The following IGF1R variants were observed in gnomAD, a reference collection of about 807,000 sequenced individuals.
The protein encoded by IGF1R is insulin-like growth factor 1 receptor.
In IGF1R, 44 loss-of-function variants were observed where a neutral mutation model predicts 144.6. The ratio of observed to expected loss-of-function variants is 0.30; its 90% CI spans 0.24 to 0.39. The LOEUF (loss-of-function observed/expected upper bound fraction) is 0.39, where lower values mean the gene tolerates loss of function less well. IGF1R is among the 10% of genes least tolerant of loss of function. The pLI, the probability that IGF1R is intolerant of heterozygous loss-of-function variation, is 1.00. For synonymous variants in IGF1R, 795 were observed against 722.8 expected, an observed-to-expected ratio of 1.10 and a Z score of -1.60; for missense variants, 1,355 against 1,833.7, an observed-to-expected ratio of 0.74 and a Z score of 4.77.
At chr15:98,946,936 ATTTTAT>A (rs2016576740) in intron 19 of IGF1R, among the ~76,000 whole-genome samples, 1 of 152,156 alleles carries the variant, frequency 6.6e-6, no homozygotes, top group African/African-American at 2.4e-5. Flanking sequence ...ATTTCTTCTT[ATTTTAT>A]TTTTAATTTT....
At chr15:98,897,660 T>A (rs1490107664) in intron 4 of IGF1R, among the ~76,000 whole-genome samples, 1 of 152,336 alleles carries the variant, frequency 6.6e-6, no homozygotes, top group African/African-American at 2.4e-5. Flanking sequence ...CACTGTAACC[T>A]GGAACTCCTA....
chr15:98,870,957 G>A (rs1225752963), intron 2 of IGF1R, among the ~76,000 whole-genome samples: 2 of 152,240 alleles, frequency 1.3e-5, no homozygotes, highest in Non-Finnish European at 2.9e-5. Context: ...AGGTGCGGGA[G>A]GCATGAGAAC....
intron 2 of IGF1R, among the ~76,000 whole-genome samples, chr15:98,792,001 A>G (rs1490023786): frequency 1.3e-5 from 2 of 152,348 alleles, no homozygotes; most frequent in Non-Finnish European, 2.9e-5. Flanking sequence ...ATGGTGGCTC[A>G]GGTTTAGACA....
Position 98,748,334 on chromosome 15 carries a change from TTTATTA to T in IGF1R, c.640+40239_640+40244del, listed in dbSNP as rs1242443703. On this transcript the variant is annotated intron_variant, in intron 2 of 20. Transcript: ENST00000650285. ...GGCATAAGCCACCTTGCCCAGCAAA[TTTATTA>T]TTATTATTATTTTTGTAGAGATGGA... Among the ~76,000 whole-genome samples, 12 of 152,012 alleles carry T rather than the reference TTTATTA, an allele frequency of 7.9e-5. No homozygotes were observed. In the East Asian group the frequency reaches 2.3e-3, roughly 30 times the overall value.
At chr15:98,828,226 C>T (rs989268133) in intron 2 of IGF1R, among the ~76,000 whole-genome samples, 11 of 152,182 alleles carry the variant, frequency 7.2e-5, no homozygotes, top group Admixed American at 1.3e-4. Context: ...CCTAAATACT[C>T]GGGCTAAACT....
intron 2 of IGF1R, among the ~76,000 whole-genome samples, chr15:98,778,208 G>A (rs1785886174): frequency 6.6e-6 from 1 of 152,308 alleles, no homozygotes; most frequent in South Asian, 2.1e-4. Flanking sequence ...AAGCCTGTAC[G>A]TGGTCCTCGG....
intron 2 of IGF1R, among the ~76,000 whole-genome samples, chr15:98,819,374 A>G (rs1196645696): frequency 2.0e-5 from 3 of 152,158 alleles, no homozygotes; most frequent in Admixed American, 1.3e-4. Context: ...ATGTGATGAT[A>G]TTAGGAGCTG....
intron 1 of IGF1R, among the ~76,000 whole-genome samples, chr15:98,675,539 A>C (rs1293635813): frequency 6.6e-6 from 1 of 152,230 alleles, no homozygotes; most frequent in Non-Finnish European, 1.5e-5. Context: ...TGAGCTTTGC[A>C]ATTTTAGCAT....
At chr15:98,955,786 T>C (rs1185396127) in intron 20 of IGF1R, among the ~76,000 whole-genome samples, 3 of 152,252 alleles carry the variant, frequency 2.0e-5, no homozygotes, top group African/African-American at 4.8e-5. Flanking sequence ...GGGCAGGTAG[T>C]CTGTGGTCAA....
At chr15:98,655,318 T>A (rs543161681) in intron 1 of IGF1R, among the ~76,000 whole-genome samples, 3 of 152,244 alleles carry the variant, frequency 2.0e-5, no homozygotes, top group Admixed American at 6.5e-5. Flanking sequence ...TTGAGACTTT[T>A]GGACTTTTGA....
At chr15:98,826,688 A>G (rs1237970095) in intron 2 of IGF1R, among the ~76,000 whole-genome samples, 2 of 152,108 alleles carry the variant, frequency 1.3e-5, no homozygotes, top group Non-Finnish European at 2.9e-5. Context: ...TCTCTTTTAA[A>G]TTTTCTATTG....
intron 2 of IGF1R, among the ~76,000 whole-genome samples, chr15:98,765,232 C>T (rs150701381): frequency 2.0e-5 from 3 of 150,864 alleles, no homozygotes; most frequent in East Asian, 3.9e-4. Flanking sequence ...GGGCTTCAGA[C>T]ACCTCAATCT....
At chr15:98,651,381 C>T (rs145989384) in intron 1 of IGF1R, among the ~76,000 whole-genome samples, 57 of 152,312 alleles carry the variant, frequency 3.7e-4, no homozygotes, top group African/African-American at 1.3e-3. Flanking sequence ...AAACTTTCAG[C>T]GGACTCGATT....
intron 2 of IGF1R, among the ~76,000 whole-genome samples, chr15:98,884,518 C>T (rs566843958): frequency 7.9e-4 from 120 of 151,988 alleles, no homozygotes; most frequent in African/African-American, 2.8e-3. Flanking sequence ...CACGGTGAAA[C>T]CCTGTCTCTG....
chr15:98,927,874 G>A (rs920758463), intron 13 of IGF1R, among the ~76,000 whole-genome samples: 2 of 152,114 alleles, frequency 1.3e-5, no homozygotes, highest in African/African-American at 4.8e-5. Context: ...GTGATTCCAG[G>A]CCCATTTCCA....
intron 2 of IGF1R, among the ~76,000 whole-genome samples, chr15:98,883,983 A>T (rs968702126): frequency 6.6e-6 from 1 of 152,150 alleles, no homozygotes; most frequent in African/African-American, 2.4e-5. Context: ...ATAATTCCAC[A>T]AATACATTAT....
intron 2 of IGF1R, among the ~76,000 whole-genome samples, chr15:98,880,161 T>C (rs551840315): frequency 6.6e-6 from 1 of 152,302 alleles, no homozygotes; most frequent in East Asian, 1.9e-4. Flanking sequence ...AAAAAATGTG[T>C]GAAGGAAGGG....
At chr15:98,825,179 GACCATATACAGTGGC>G (rs201078364) in intron 2 of IGF1R, among the ~76,000 whole-genome samples, 2,185 of 152,204 alleles carry the variant, frequency 0.014, 51 homozygotes, top group African/African-American at 0.048. Flanking sequence ...TAGCTTAGAA[GACCATATACAGTGGC>G]ACCATATACA....
chr15:98,683,490 G>T (rs1467478004), intron 1 of IGF1R, among the ~76,000 whole-genome samples: 2 of 152,224 alleles, frequency 1.3e-5, no homozygotes, highest in Non-Finnish European at 2.9e-5. Flanking sequence ...GCATTGCCCA[G>T]TTGTGTTACA....
Sources: allele counts gnomAD v4.1 joint callset (sites outside exome capture counted in the v4.1 genomes callset), GRCh38; gene constraint gnomAD v4.1.1; transcripts MANE v1.5; gene names NCBI Gene and HGNC (gene_info 2026-07-23, HGNC 2026-07-21).